Variants in LRP2 observed in about 807,000 individuals in gnomAD.
LRP2 encodes the protein low-density lipoprotein receptor-related protein 2.
In LRP2, 172 loss-of-function variants were observed where a neutral mutation model predicts 531.0. The observed-to-expected ratio is 0.32, with a 90% confidence interval of 0.29 to 0.37. LRP2 has a LOEUF of 0.37. LRP2 is among the 10% of genes least tolerant of loss of function. LRP2 has a pLI of 1.00. For synonymous variants in LRP2, 1,992 were observed against 2,027.6 expected, an observed-to-expected ratio of 0.98 and a Z score of 0.47; for missense variants, 5,167 against 5,868.3, an observed-to-expected ratio of 0.88 and a Z score of 3.90.
At chr2:169,286,334 G>A (rs537419061) in intron 9 of LRP2, among the ~76,000 whole-genome samples, 13 of 152,292 alleles carry the variant, frequency 8.5e-5, no homozygotes, top group Admixed American at 1.3e-4. Context: ...ACGCGCTGGC[G>A]GGAATGAAAG....
At chr2:169,332,917 T>C (rs959509631) in intron 1 of LRP2, among the ~76,000 whole-genome samples, 2 of 152,220 alleles carry the variant, frequency 1.3e-5, no homozygotes, top group Admixed American at 6.5e-5. Context: ...ATTCGTTAGA[T>C]GAATAACTGA....
intron 16 of LRP2, among the ~76,000 whole-genome samples, chr2:169,266,883 CTTTT>C (rs56044761): frequency 1.4e-4 from 13 of 96,252 alleles, no homozygotes; most frequent in Admixed American, 9.6e-4. Context: ...CGTTTGTAAC[CTTTT>C]TTTTTTTTTT....
In LRP2 at chr2:169,192,048, C is replaced by A. The variant is rs200910207; in HGVS notation, c.8831-15G>T. ...GTTTTGATTCTCTGAAACCAAAGCA[C>A]GCAAGAATCAGAAAGCATGAGAGCT... is the stretch of plus-strand genomic sequence containing the variant. On this transcript the variant is annotated splice_polypyrimidine_tract_variant and intron_variant, in intron 47 of 78. Transcript: ENST00000649046. 2.5e-6 allele frequency: 4 copies of A among 1,605,156 alleles called. No individual in the cohort carries two copies. The highest frequency in any genetic ancestry group is 3.4e-6 in the Non-Finnish European group (4 of 1,172,694).
In LRP2 at chr2:169,355,742, C is replaced by T. The variant is rs1031256195; in HGVS notation, c.79+6579G>A. Among the ~76,000 whole-genome samples, 9 of 152,008 alleles carry T rather than the reference C, an allele frequency of 5.9e-5. 1 individual carries two copies. The highest frequency in any genetic ancestry group is 2.1e-4 in the South Asian group (1 of 4,830). On this transcript the variant is annotated intron_variant, in intron 1 of 78. Coordinates refer to ENST00000649046, the MANE Select transcript of LRP2 (RefSeq NM_004525.3). Reference sequence around the variant, plus strand: ...ATGGAGTCATCTCAGAGCCAGGAGACGGAAAAAAGACAAGATTGGCCTGAC... The same window carrying T: ...ATGGAGTCATCTCAGAGCCAGGAGATGGAAAAAAGACAAGATTGGCCTGAC...
At chr2:169,239,921 G>A (rs1689744369) in intron 25 of LRP2, 146 bp from the exon 26 acceptor site, 1 of 714,024 alleles carries the variant, frequency 1.4e-6, no homozygotes, top group East Asian at 2.7e-5. Flanking sequence ...GCACTTGGGT[G>A]AGTTCCACAG....
At chr2:169,259,366 A>G (rs1039528679) in intron 16 of LRP2, 149 bp from the exon 17 acceptor site, 8 of 534,884 alleles carry the variant, frequency 1.5e-5, no homozygotes, top group South Asian at 1.3e-4. Context: ...AAAAAAAAAA[A>G]CTCTGTAAGC....
intron 3 of LRP2, among the ~76,000 whole-genome samples, chr2:169,309,858 A>G (rs1684542716): frequency 6.6e-6 from 1 of 152,266 alleles, no homozygotes; most frequent in Non-Finnish European, 1.5e-5. Flanking sequence ...ATCCATAAGC[A>G]TAGAATGTTC....
At chr2:169,347,092 A>C (rs543593983) in intron 1 of LRP2, among the ~76,000 whole-genome samples, 1 of 152,200 alleles carries the variant, frequency 6.6e-6, no homozygotes, top group South Asian at 2.1e-4. Context: ...TTTCATCCCC[A>C]TTAAAACATA....
At chr2:169,324,058 C>G (rs984328026) in intron 1 of LRP2, among the ~76,000 whole-genome samples, 2 of 152,176 alleles carry the variant, frequency 1.3e-5, no homozygotes, top group Non-Finnish European at 2.9e-5. Context: ...AAGAAGTACT[C>G]ATATAGCACT....
At position 169,198,825 on chromosome 2, in the gene LRP2, C is replaced by T; in HGVS notation, c.8539G>A (p.Asp2847Asn). Residue 2847 changes from aspartate to asparagine, a missense_variant, in exon 45 of 79, where the codon GAC (aspartate) becomes AAC (asparagine). Around this residue, in one of 6 missense-constraint regions of LRP2, gnomAD observed 1,129 missense variants for 1,362.7 expected, o/e 0.83. Coordinates refer to ENST00000649046, the MANE Select transcript of LRP2 (RefSeq NM_004525.3). ...PRVYLCDGDNDCGDNSDENPT... is the reference protein window; with the variant it reads ...PRVYLCDGDNNCGDNSDENPT... ...TTTTCATCACTGTTATCTCCACAGT[C>T]ATTGTCTCCGTCACACAAATAAACG... is the stretch of plus-strand genomic sequence containing the variant. The T allele has an allele frequency of 3.1e-6, 5 of 1,613,978 alleles. No individual in the cohort carries two copies. Among genetic ancestry groups the T allele is most frequent in the Non-Finnish European group, 4.2e-6 (5 of 1,179,896 alleles).
At chr2:169,144,360 G>T (rs1355948838) in intron 70 of LRP2, among the ~76,000 whole-genome samples, 4 of 152,036 alleles carry the variant, frequency 2.6e-5, no homozygotes, top group Non-Finnish European at 4.4e-5. Context: ...CTGGGCTGGG[G>T]CTGTACTCCC....
chr2:169,287,815 T>C lies in LRP2; in HGVS notation c.1042+1211A>G, dbSNP rs1234624647. 5.3e-5 allele frequency among the ~76,000 whole-genome samples: 8 copies of C among 149,804 alleles called. 1 individual carries two copies. In the East Asian group the frequency reaches 1.6e-3, roughly 30 times the overall value. On this transcript the variant is annotated intron_variant, in intron 9 of 78. Transcript: ENST00000649046. ...TATATTCAATAATTTTTTCCAAATG[T>C]TACCAAATAGTTCTAAAATATTAAA...
rs1473438643 is a variant in LRP2 at position 169,280,338 on chromosome 2, A to G, written c.1341+12T>C. 1.2e-6 allele frequency: 2 copies of G among 1,613,974 alleles called. No individual in the cohort carries two copies. The highest frequency in any genetic ancestry group is 2.7e-5 in the African/African-American group (2 of 74,900). On this transcript the variant is annotated intron_variant, in intron 11 of 78. Coordinates refer to ENST00000649046, the MANE Select transcript of LRP2 (RefSeq NM_004525.3). ...CTCAGGGTTCCATTCAGCTACTGAA[A>G]TTTCTATTTACCTTATTTTGCACGG...
chr2:169,226,944 A>G (rs1371646115), intron 31 of LRP2, among the ~76,000 whole-genome samples: 1 of 151,894 alleles, frequency 6.6e-6, no homozygotes, highest in Non-Finnish European at 1.5e-5. Context: ...CCTCACTCAC[A>G]CTGATCTCAG....
chr2:169,308,800 T>G (rs1684502431), intron 3 of LRP2, among the ~76,000 whole-genome samples: 2 of 152,234 alleles, frequency 1.3e-5, no homozygotes. Context: ...ATCGCCACAC[T>G]GTCTTCCACA....
Position 169,173,117 on chromosome 2 carries a change from T to C in LRP2, c.11122A>G (p.Asn3708Asp). The C allele has an allele frequency of 2.5e-6, 4 of 1,614,046 alleles. No individual in the cohort carries two copies. Among genetic ancestry groups the C allele is most frequent in the Non-Finnish European group, 3.4e-6 (4 of 1,179,996 alleles). Residue 3708 changes from asparagine to aspartate, a missense_variant, in exon 57 of 79, where the codon AAC becomes GAC. This residue lies in a region of LRP2 where 311 missense variants were observed against 309.4 expected (regional missense o/e 1.01). Coordinates refer to ENST00000649046, the MANE Select transcript of LRP2 (RefSeq NM_004525.3). ...VCNGVDDCRD[N>D]SDEQGCEERT... is the part of the protein sequence containing the mutation. ...CTACCACAGCCTTGCTCATCACTGT[T>C]GTCCCTGCAGTCATCTACACCATTG... is the stretch of plus-strand genomic sequence containing the variant.
At chr2:169,318,930 A>G (rs753544555) in intron 2 of LRP2, 46 bp from the exon 3 acceptor site, 1 of 1,612,096 alleles carries the variant, frequency 6.2e-7, no homozygotes, top group Non-Finnish European at 8.5e-7. Context: ...CATCCTCCCC[A>G]TTATACTAGC....
chr2:169,272,412 G>T (rs1367863796), intron 15 of LRP2, among the ~76,000 whole-genome samples: 6 of 152,124 alleles, frequency 3.9e-5, no homozygotes, highest in Admixed American at 3.9e-4. Flanking sequence ...CAATGCTCAG[G>T]AGTTTACTTT....
chr2:169,261,980 C>G (rs1217473624), intron 16 of LRP2, among the ~76,000 whole-genome samples: 1 of 150,400 alleles, frequency 6.6e-6, no homozygotes, highest in East Asian at 2.0e-4. Flanking sequence ...ATAAACAGAG[C>G]CAAAGACAAA....
Sources: allele counts gnomAD v4.1 joint callset (sites outside exome capture counted in the v4.1 genomes callset), GRCh38; gene constraint gnomAD v4.1.1; regional missense constraint gnomAD v4.1.1; transcripts MANE v1.5; gene names NCBI Gene and HGNC (gene_info 2026-07-23, HGNC 2026-07-21).